CENPP: variants seen among roughly 807,000 people sequenced by gnomAD.
The protein encoded by CENPP is centromere protein P.
A neutral mutation model predicts 35.6 loss-of-function variants in CENPP; 24 were observed. That is an observed-to-expected ratio of 0.67 (90% CI 0.49 to 0.95). CENPP has a LOEUF of 0.95. Ranked by LOEUF, CENPP falls within the 40% of genes least tolerant of loss-of-function variation. The probability of loss-of-function intolerance (pLI) is 0.00; values close to 1 mark genes in which losing one functional copy is unlikely to be tolerated. For synonymous variants in CENPP, 120 were observed against 125.5 expected (o/e 0.96, Z 0.29); for missense variants, 332 against 345.3 (o/e 0.96, Z 0.31).
chr9:92,332,213 A>C lies in CENPP; in HGVS notation c.151A>C (p.Lys51Gln), dbSNP rs1020271464. Residue 51 changes from lysine to glutamine, a missense_variant, in exon 2 of 8, where the codon AAG (lysine) becomes CAG (glutamine). Physicochemically the swap from Lys to Gln is moderately conservative, Grantham distance 53 (BLOSUM62 1). Transcript: ENST00000375587. Reference sequence around the variant, plus strand: ...ACACCAATTCAATTTGGAAGGATGGAAGTCTTCAAAAGATCTGAAAAATCA... The same window carrying C: ...ACACCAATTCAATTTGGAAGGATGGCAGTCTTCAAAAGATCTGAAAAATCA... ...AIHQFNLEGW[K>Q]SSKDLKNQLG... is the part of the protein sequence containing the mutation. 2 of 1,611,708 alleles carry C rather than the reference A, an allele frequency of 1.2e-6. No individual in the cohort carries two copies. Among genetic ancestry groups the C allele is most frequent in the Non-Finnish European group, 8.5e-7 (1 of 1,179,184 alleles).
chr9:92,395,877 A>G (rs1005497202), intron 5 of CENPP, among the ~76,000 whole-genome samples: 6 of 149,248 alleles, frequency 4.0e-5, no homozygotes, highest in African/African-American at 1.5e-4. Flanking sequence ...TTTAAATTTT[A>G]ATGAAGAACA....
intron 5 of CENPP, among the ~76,000 whole-genome samples, chr9:92,580,456 A>G (rs1360446735): frequency 2.6e-5 from 4 of 152,082 alleles, no homozygotes; most frequent in African/African-American, 9.7e-5. Context: ...TTGGTAAGCT[A>G]TTGATTATTG....
chr9:92,520,483 G>A (rs1208307548), intron 5 of CENPP, among the ~76,000 whole-genome samples: 1 of 152,174 alleles, frequency 6.6e-6, no homozygotes, highest in African/African-American at 2.4e-5. Flanking sequence ...GGAATGTAGA[G>A]AAACTGGAGT....
intron 5 of CENPP, among the ~76,000 whole-genome samples, chr9:92,467,455 A>G (rs1331235352): frequency 6.6e-6 from 1 of 152,196 alleles, no homozygotes; most frequent in Non-Finnish European, 1.5e-5. Context: ...TCTTTGCCAG[A>G]TTGTTCAAAG....
Position 92,494,064 on chromosome 9 carries a change from G to T in CENPP, c.564+114205G>T. 3 of 1,596,510 alleles carry T rather than the reference G, an allele frequency of 1.9e-6. No individual in the cohort carries two copies. In the South Asian group the frequency reaches 3.3e-5, roughly 18 times the overall value. ...CACTTGCCTGCTTACTTGTCTGTTT[G>T]ATTTCCTGCTTATTGCCTCTACCAG... On this transcript the variant is annotated intron_variant, in intron 5 of 7. Coordinates refer to ENST00000375587, the MANE Select transcript of CENPP (RefSeq NM_001012267.3).
chr9:92,424,360 T>C (rs1466474638), intron 5 of CENPP: 1 of 152,174 alleles, frequency 6.6e-6, no homozygotes, highest in Non-Finnish European at 1.5e-5. Context: ...TTTAAGCAAA[T>C]ACAATCTTCT....
chr9:92,570,325 A>G (rs1406484971), intron 5 of CENPP, among the ~76,000 whole-genome samples: 5 of 152,146 alleles, frequency 3.3e-5, no homozygotes, highest in Admixed American at 6.5e-5. Context: ...TTCTGCATCT[A>G]TTGAGATAAT....
At chr9:92,353,182 G>A (rs1841507290) in intron 4 of CENPP, among the ~76,000 whole-genome samples, 1 of 152,178 alleles carries the variant, frequency 6.6e-6, no homozygotes, top group Non-Finnish European at 1.5e-5. Flanking sequence ...TAGTGCAAGT[G>A]TATACATGCA....
chr9:92,540,509 A>G (rs1196819298), intron 5 of CENPP, among the ~76,000 whole-genome samples: 1 of 152,136 alleles, frequency 6.6e-6, no homozygotes, highest in Admixed American at 6.5e-5. Context: ...GCAGTGGCTC[A>G]TGCCTGTAAT....
chr9:92,569,966 T>C (rs1850092497), intron 5 of CENPP, among the ~76,000 whole-genome samples: 1 of 152,232 alleles, frequency 6.6e-6, no homozygotes, highest in South Asian at 2.1e-4. Context: ...CTTATCAGCT[T>C]AAGGAGATTT....
chr9:92,378,596 G>A (rs1842175373), intron 4 of CENPP, among the ~76,000 whole-genome samples: 1 of 152,146 alleles, frequency 6.6e-6, no homozygotes, highest in South Asian at 2.1e-4. Flanking sequence ...GTTAACGGAA[G>A]CATTGGGGTG....
At chr9:92,449,255 C>T (rs896933422) in intron 5 of CENPP, among the ~76,000 whole-genome samples, 16 of 151,892 alleles carry the variant, frequency 1.1e-4, no homozygotes, top group Middle Eastern at 3.4e-3. Flanking sequence ...TCGTGGCTAA[C>T]ACAGTGAAAC....
At chr9:92,387,363 G>A (rs1228769855) in intron 5 of CENPP, among the ~76,000 whole-genome samples, 1 of 149,992 alleles carries the variant, frequency 6.7e-6, no homozygotes, top group Non-Finnish European at 1.5e-5. Flanking sequence ...GCCACAGAAC[G>A]AGACTCCATC....
chr9:92,616,358 G>T lies in CENPP; in HGVS notation c.*3209G>T, dbSNP rs1046716593. 3 of 286,118 alleles carry T rather than the reference G, an allele frequency of 1.0e-5. No homozygotes were observed. The highest frequency in any genetic ancestry group is 1.3e-5 in the Non-Finnish European group (2 of 151,244). The allele number at this position is 286,118 out of a possible 1,614,324, so 17.7% of individuals were successfully genotyped here. A position where few individuals can be genotyped will look rare whatever the true frequency, so the allele number is the denominator to read the frequency against. The stretch of plus-strand genomic sequence containing the variant: ...CACCCCACCATACCAGGCGAGAGAG[G>T]GTTAAAGGACTGAAAGATGGAAAAG... On this transcript the variant is annotated 3_prime_UTR_variant, in exon 8 of 8. Transcript: ENST00000375587.
At chr9:92,421,144 ACT>A (rs1843779979) in intron 5 of CENPP, among the ~76,000 whole-genome samples, 1 of 151,854 alleles carries the variant, frequency 6.6e-6, no homozygotes, top group South Asian at 2.1e-4. Flanking sequence ...GGCTCAAGTG[ACT>A]CTCTTACTTC....
chr9:92,345,910 T>G, intron 4 of CENPP, 123 bp downstream of exon 4: 1 of 598,870 alleles, frequency 1.7e-6, no homozygotes, highest in Non-Finnish European at 2.9e-6. Flanking sequence ...ATAACACCAC[T>G]GTTGTGCTTA....
At chr9:92,469,180 T>C (rs1845419781) in intron 5 of CENPP, among the ~76,000 whole-genome samples, 1 of 151,140 alleles carries the variant, frequency 6.6e-6, no homozygotes, top group Non-Finnish European at 1.5e-5. Flanking sequence ...CATTGTGTCA[T>C]TTCTGACTGT....
intron 5 of CENPP, among the ~76,000 whole-genome samples, chr9:92,455,504 C>G (rs992704976): frequency 6.6e-6 from 1 of 152,000 alleles, no homozygotes; most frequent in Non-Finnish European, 1.5e-5. Context: ...CAGCCCCTGC[C>G]GCAAAGAATG....
Position 92,371,042 on chromosome 9 carries a change from T to A in CENPP, c.468-8721T>A, listed in dbSNP as rs1841993900. 2.0e-5 allele frequency among the ~76,000 whole-genome samples: 3 copies of A among 152,304 alleles called. No homozygotes were observed. In the East Asian group the frequency reaches 5.8e-4, roughly 29 times the overall value. The stretch of plus-strand genomic sequence containing the variant: ...TGTCAATTTTGTTTATCTTTTCAAA[T>A]AACCAACGTTTTGTTTTGTTGGTCC... On this transcript the variant is annotated intron_variant, in intron 4 of 7. Transcript: ENST00000375587.
Sources: allele counts gnomAD v4.1 joint callset (sites outside exome capture counted in the v4.1 genomes callset), GRCh38; gene constraint gnomAD v4.1.1; transcripts MANE v1.5; gene names NCBI Gene and HGNC (gene_info 2026-07-23, HGNC 2026-07-21).